Variants in TMEM212 observed in about 807,000 individuals in gnomAD.
TMEM212 encodes transmembrane protein 212.
TMEM212 carries 23 observed loss-of-function variants against 20.5 expected under a neutral mutation model. The observed-to-expected ratio is 1.12, with a 90% CI of 0.81 to 1.59. The LOEUF (loss-of-function observed/expected upper bound fraction) is 1.59, where lower values mean the gene tolerates loss of function less well. Ranked by LOEUF, TMEM212 falls within the 40% of genes most tolerant of loss-of-function variation. TMEM212 has a pLI of 0.00. For missense variants in TMEM212, 211 were observed against 215.0 expected (o/e 0.98, Z 0.12); for synonymous variants, 76 against 81.6 (o/e 0.93, Z 0.37).
chr3:171,853,983 G>A (rs1170248554), intron 3 of TMEM212, 133 bp downstream of exon 3: 10 of 671,472 alleles, frequency 1.5e-5, no homozygotes, highest in East Asian at 2.7e-5. Flanking sequence ...TCCAGGTCTG[G>A]CACATAATAG....
In TMEM212 at chr3:171,852,188, A is replaced by C. The variant is rs531897469; in HGVS notation, c.219+147A>C. The C allele has an allele frequency of 6.0e-5, 40 of 667,852 alleles. No homozygotes were observed. The South Asian group carries it at 6.9e-4, about 11-fold the overall frequency. The allele number at this position is 667,852 out of a possible 1,614,324, so 41.4% of individuals were successfully genotyped here. ...CCTTACTACAATGGATTTCAGAAAT[A>C]AACTCTGTTTTAAAAGATTTTTTTT... On this transcript the variant is annotated intron_variant, in intron 2 of 4. Coordinates refer to ENST00000334567, the MANE Select transcript of TMEM212 (RefSeq NM_001164436.2).
intron 1 of TMEM212, among the ~76,000 whole-genome samples, chr3:171,845,187 CT>C (rs1021773048): frequency 8.9e-4 from 136 of 152,056 alleles, no homozygotes; most frequent in African/African-American, 3.0e-3. Context: ...GGCTTCCAAA[CT>C]TTTTTTTGGT....
At position 171,858,573 on chromosome 3, in the gene TMEM212, G is replaced by GT. The variant is rs1375012111; in HGVS notation, c.*517dup. ...CAACAAAAGCCAAAATAGACAAATC[G>GT]TATCTAATTAAACTAAAGGGCTTCT... On this transcript the variant is annotated 3_prime_UTR_variant, in exon 5 of 5. Transcript: ENST00000334567. 5 of 152,186 alleles carry GT rather than the reference G, an allele frequency of 3.3e-5. No homozygotes were observed. The highest frequency in any genetic ancestry group is 1.2e-4 in the African/African-American group (5 of 41,478). 9.4% of individuals were successfully genotyped at this position (152,186 alleles called of 1,614,324 possible). A position where few individuals can be genotyped will look rare whatever the true frequency, so the allele number is the denominator to read the frequency against.
Position 171,843,369 on chromosome 3 carries a change from A to C in TMEM212, c.-15A>C. ...AAAACATCTTTGAGACCAAGGCCTC[A>C]AGCCACCAAGGAAAATGAAGGGCCT... On this transcript the variant is annotated 5_prime_UTR_variant, in exon 1 of 5. Transcript: ENST00000334567. 1 of 1,528,992 alleles carries C rather than the reference A, an allele frequency of 6.5e-7. No homozygotes were observed. Among genetic ancestry groups the C allele is most frequent in the East Asian group, 2.5e-5 (1 of 40,734 alleles). 94.7% of individuals were successfully genotyped at this position (1,528,992 alleles called of 1,614,324 possible).
intron 1 of TMEM212, among the ~76,000 whole-genome samples, chr3:171,845,712 G>A (rs1724815250): frequency 2.6e-5 from 4 of 152,130 alleles, no homozygotes; most frequent in Admixed American, 2.6e-4. Flanking sequence ...TAGAGAAGTG[G>A]ACCTGTTTTC....
At chr3:171,855,244 C>T (rs1330781932) in intron 3 of TMEM212, among the ~76,000 whole-genome samples, 2 of 152,128 alleles carry the variant, frequency 1.3e-5, no homozygotes, top group African/African-American at 2.4e-5. Context: ...CTCTCCTTCA[C>T]CTTTTGATGG....
intron 1 of TMEM212, among the ~76,000 whole-genome samples, chr3:171,846,338 A>G (rs1037063278): frequency 9.2e-5 from 14 of 152,312 alleles, no homozygotes; most frequent in African/African-American, 2.6e-4. Flanking sequence ...TGGTGTTCCC[A>G]ATCTCTGATA....
In TMEM212 at chr3:171,843,472, T is replaced by C; in HGVS notation, c.89T>C (p.Val30Ala). Residue 30 changes from valine to alanine, a missense_variant, in exon 1 of 5, where the codon GTC (valine) becomes GCC (alanine). Coordinates refer to ENST00000334567, the MANE Select transcript of TMEM212 (RefSeq NM_001164436.2). The stretch of plus-strand genomic sequence containing the variant: ...TCTGGAGTTATTGCTTTCTTTCCTG[T>C]CTTTTCTTACAAGCCTTGGTTCACA... ...VCSGVIAFFP[V>A]FSYKPWFTGW... 6.5e-7 allele frequency: 1 copy of C among 1,537,194 alleles called. No individual in the cohort carries two copies. Among genetic ancestry groups the C allele is most frequent in the Non-Finnish European group, 8.7e-7 (1 of 1,146,840 alleles).
chr3:171,856,124 G>C (rs1277602938), intron 3 of TMEM212, among the ~76,000 whole-genome samples: 1 of 152,110 alleles, frequency 6.6e-6, no homozygotes, highest in Non-Finnish European at 1.5e-5. Flanking sequence ...TTAAAAAGCA[G>C]AATGTATAAT....
At position 171,853,309 on chromosome 3, in the gene TMEM212, G is replaced by A. The variant is rs138828958; in HGVS notation, c.220-218G>A. Among the ~76,000 whole-genome samples, 426 of 150,600 alleles carry A rather than the reference G, an allele frequency of 2.8e-3. 7 individuals are homozygous for A. Among genetic ancestry groups the A allele is most frequent in the African/African-American group, 9.7e-3 (398 of 40,838 alleles). On this transcript the variant is annotated intron_variant, in intron 2 of 4. Transcript: ENST00000334567. Reference sequence around the variant, plus strand: ...CCTGCACATCTTGCACATGTATCCCGGTACTTAAAAAGTGAAAAAAAAAAA... The same window carrying A: ...CCTGCACATCTTGCACATGTATCCCAGTACTTAAAAAGTGAAAAAAAAAAA...
intron 2 of TMEM212, among the ~76,000 whole-genome samples, chr3:171,852,680 A>G (rs1023822648): frequency 1.3e-5 from 2 of 152,116 alleles, no homozygotes; most frequent in African/African-American, 4.8e-5. Flanking sequence ...TTAATCTGGG[A>G]TCTCCTTCCA....
chr3:171,857,541 C>G (rs779575576), intron 4 of TMEM212, among the ~76,000 whole-genome samples: 20 of 152,116 alleles, frequency 1.3e-4, no homozygotes, highest in Non-Finnish European at 2.8e-4. Flanking sequence ...CAGAAATAAA[C>G]AGTGGGACTA....
intron 3 of TMEM212, among the ~76,000 whole-genome samples, chr3:171,854,642 A>T (rs1254231772): frequency 6.6e-6 from 1 of 152,228 alleles, no homozygotes; most frequent in African/African-American, 2.4e-5. Context: ...AATAGAACAC[A>T]TAATCTTAAA....
intron 4 of TMEM212, 73 bp downstream of exon 4, chr3:171,856,780 T>G: frequency 1.9e-6 from 1 of 522,544 alleles, no homozygotes; most frequent in Non-Finnish European, 3.4e-6. Flanking sequence ...AATTATAAAA[T>G]TTAAGATGTT....
At chr3:171,854,910 A>C (rs546959218) in intron 3 of TMEM212, among the ~76,000 whole-genome samples, 1 of 152,356 alleles carries the variant, frequency 6.6e-6, no homozygotes, top group African/African-American at 2.4e-5. Context: ...CAAAACAGAA[A>C]GTCTAAGCAT....
chr3:171,855,713 C>T (rs376448331), intron 3 of TMEM212, among the ~76,000 whole-genome samples: 12 of 152,176 alleles, frequency 7.9e-5, no homozygotes, highest in Admixed American at 3.9e-4. Flanking sequence ...GCTCAGATGT[C>T]GTTTAATTCC....
chr3:171,843,391 G>A lies in TMEM212; in HGVS notation c.8G>A (p.Gly3Asp), dbSNP rs1724755340. The A allele has an allele frequency of 6.5e-7, 1 of 1,535,322 alleles. No individual in the cohort carries two copies. Among genetic ancestry groups the A allele is most frequent in the Non-Finnish European group, 8.7e-7 (1 of 1,146,016 alleles). The change falls in exon 1 of 5, where the codon GGC becomes GAC. Residue 3 changes from glycine (G) to aspartate (D), a missense_variant. Coordinates refer to ENST00000334567, the MANE Select transcript of TMEM212 (RefSeq NM_001164436.2). ...CTCAAGCCACCAAGGAAAATGAAGG[G>A]CCTCTACCAGGCTGCTGGCCGGATT... MK[G>D]LYQAAGRILV...
chr3:171,856,666 C>A lies in TMEM212; in HGVS notation c.547C>A (p.Gln183Lys), dbSNP rs1219065666. Residue 183 changes from glutamine to lysine, a missense_variant, in exon 4 of 5, where the codon CAA (glutamine) becomes AAA (lysine). By Grantham distance (53) the Gln-to-Lys change is moderately conservative (BLOSUM62 1). Transcript: ENST00000334567. ...CTGTCTCTCATATGTCTTACAGATG[C>A]AACTCCCTGCTGGGAACCCAAACCC... ...RLIQNGHINM[Q>K]LPAGNPNPFS... The A allele has an allele frequency of 1.5e-6, 1 of 689,232 alleles. No individual in the cohort carries two copies. Among genetic ancestry groups the A allele is most frequent in the Admixed American group, 2.0e-5 (1 of 48,878 alleles). 42.7% of individuals were successfully genotyped at this position (689,232 alleles called of 1,614,324 possible).
intron 1 of TMEM212, among the ~76,000 whole-genome samples, chr3:171,846,641 G>A (rs1262261013): frequency 1.3e-5 from 2 of 152,192 alleles, no homozygotes; most frequent in Non-Finnish European, 2.9e-5. Context: ...CAATTAGGTT[G>A]CAAAGACTAA....
Sources: gnomAD v4.1 joint callset for allele counts (sites outside exome capture counted in the v4.1 genomes callset) on GRCh38, gnomAD v4.1.1 for gene constraint, MANE v1.5 for transcripts, NCBI Gene and HGNC (gene_info 2026-07-23, HGNC 2026-07-21) for gene names.